CDC42BPA: variants seen among roughly 807,000 people sequenced by gnomAD.
CDC42BPA encodes CDC42 binding protein kinase alpha.
CDC42BPA carries 80 observed loss-of-function variants against 223.5 expected under a neutral mutation model. That is an observed-to-expected ratio of 0.36 (90% confidence interval 0.30 to 0.43). CDC42BPA has a LOEUF of 0.43. Among genes scored for constraint, CDC42BPA ranks in the 20% least tolerant of loss-of-function variants. CDC42BPA has a pLI of 1.00. For missense variants in CDC42BPA, 1,743 were observed against 2,099.9 expected (o/e 0.83, Z 3.32); for synonymous variants, 694 against 718.6 (o/e 0.97, Z 0.55).
intron 28 of CDC42BPA, 93 bp from the exon 29 acceptor site, chr1:227,030,563 G>A: frequency 1.4e-6 from 1 of 729,760 alleles, no homozygotes; most frequent in Non-Finnish European, 2.3e-6. Context: ...TGCAAAAAAT[G>A]GAAATAAAAT....
intron 1 of CDC42BPA, among the ~76,000 whole-genome samples, chr1:227,281,063 C>T (rs969784501): frequency 2.0e-5 from 3 of 152,192 alleles, no homozygotes; most frequent in Non-Finnish European, 4.4e-5. Flanking sequence ...ACCACATTCT[C>T]CCAAATTCCA....
rs1263070140 is a variant in CDC42BPA, at chr1:227,317,471, A to G, written c.-289T>C. 3 of 399,586 alleles carry G rather than the reference A, an allele frequency of 7.5e-6. No homozygotes were observed. The highest frequency in any genetic ancestry group is 1.3e-5 in the Non-Finnish European group (3 of 227,216). The allele number at this position is 399,586 out of a possible 1,614,324, so 24.8% of individuals were successfully genotyped here. ...TTAAGTCGTATATTTAAATAAAATA[A>G]TAATTAAAAGTACAACGAACTAGAG... is the stretch of plus-strand genomic sequence containing the variant. On this transcript the variant is annotated 5_prime_UTR_variant, in exon 1 of 37. Transcript: ENST00000366766.
intron 17 of CDC42BPA, among the ~76,000 whole-genome samples, chr1:227,076,245 A>G (rs145887287): frequency 1.3e-4 from 20 of 151,664 alleles, no homozygotes; most frequent in Non-Finnish European, 2.1e-4. Context: ...CAACCCCACC[A>G]CTATCTTTCT....
chr1:227,056,136 T>G (rs945105594), intron 21 of CDC42BPA, among the ~76,000 whole-genome samples: 1 of 152,134 alleles, frequency 6.6e-6, no homozygotes, highest in African/African-American at 2.4e-5. Context: ...GGTTTTCCTA[T>G]AAATAATAAA....
At chr1:227,271,321 T>A (rs1386628577) in intron 1 of CDC42BPA, among the ~76,000 whole-genome samples, 1 of 152,024 alleles carries the variant, frequency 6.6e-6, no homozygotes, top group Non-Finnish European at 1.5e-5. Flanking sequence ...GTAGAGAAAA[T>A]CTGTGAGTGA....
In CDC42BPA at chr1:226,998,620, C is replaced by CT. The variant is rs1401246608; in HGVS notation, c.4976-3641dup. ...CAGAAAACTGAAATTGGACCCCTTC[C>CT]TTACACCTTATGCAAAAATTAACTC... is the stretch of plus-strand genomic sequence containing the variant. On this transcript the variant is annotated intron_variant, in intron 35 of 36. Transcript: ENST00000366766. Among the ~76,000 whole-genome samples, 20 of 152,194 alleles carry CT rather than the reference C, an allele frequency of 1.3e-4. 1 individual carries two copies. Among genetic ancestry groups the CT allele is most frequent in the Admixed American group, 1.3e-3 (20 of 15,280 alleles).
At chr1:227,256,045 T>G (rs546801543) in intron 1 of CDC42BPA, among the ~76,000 whole-genome samples, 1 of 151,964 alleles carries the variant, frequency 6.6e-6, no homozygotes, top group East Asian at 1.9e-4. Flanking sequence ...TACCAGAATA[T>G]ACAAAGAACT....
Position 227,222,392 on chromosome 1 carries a change from G to A in CDC42BPA, c.271-9173C>T, listed in dbSNP as rs117117539. On this transcript the variant is annotated intron_variant, in intron 2 of 36. Transcript: ENST00000366766. ...CAGGCACCTGTAGTCCCAGCTACTCGTGTGGCTGAGGCATGAGGAAGGCTT... is the reference window on the plus strand; with the variant it reads ...CAGGCACCTGTAGTCCCAGCTACTCATGTGGCTGAGGCATGAGGAAGGCTT... 2.6e-3 allele frequency among the ~76,000 whole-genome samples: 401 copies of A among 151,608 alleles called. 9 individuals carry two copies. In the East Asian group the frequency reaches 0.048, roughly 18 times the overall value.
chr1:226,994,780 A>C lies in CDC42BPA; in HGVS notation c.5133+43T>G, dbSNP rs1231883251. The C allele has an allele frequency of 6.4e-7, 1 of 1,555,436 alleles. No homozygotes were observed. The highest frequency in any genetic ancestry group is 1.8e-5 in the Admixed American group (1 of 55,176). On this transcript the variant is annotated intron_variant, in intron 36 of 36. Transcript: ENST00000366766. The surrounding 1 kb of genome is among the most constrained non-coding windows in gnomAD (Gnocchi z 4.0). Reference sequence around the variant, plus strand: ...GTGGGATTGCCTGGGAAGATGCCCTAGTCTTTCTGATACATGACGTCTCCG... The same window carrying C: ...GTGGGATTGCCTGGGAAGATGCCCTCGTCTTTCTGATACATGACGTCTCCG...
intron 5 of CDC42BPA, among the ~76,000 whole-genome samples, chr1:227,185,691 C>T (rs929557744): frequency 5.9e-5 from 9 of 152,082 alleles, no homozygotes; most frequent in Non-Finnish European, 1.0e-4. Context: ...TTTCTTTCCT[C>T]CCCCTTCTCT....
In CDC42BPA at chr1:226,994,330, A is replaced by C; in HGVS notation, c.5203T>G (p.Ser1735Ala). The change falls in exon 37 of 37, where the codon TCA becomes GCA. Residue 1735 changes from serine to alanine, a missense_variant. Physicochemically the swap from Ser to Ala is moderately conservative, Grantham distance 99. Coordinates refer to ENST00000366766, the MANE Select transcript of CDC42BPA (RefSeq NM_001394014.1). The surrounding 1 kb of genome is among the most constrained non-coding windows in gnomAD (Gnocchi z 4.0). ...GAGAGGCTCTTGGTTTTTCGGGGTGAAGCTGGGCTTGGGGGGCTGCTTAGG... is the reference window on the plus strand; with the variant it reads ...GAGAGGCTCTTGGTTTTTCGGGGTGCAGCTGGGCTTGGGGGGCTGCTTAGG... Reference protein sequence around the residue: ...SNLSSPPSPASPRKTKSLSLE... With the variant: ...SNLSSPPSPAAPRKTKSLSLE... The C allele has an allele frequency of 1.2e-6, 2 of 1,600,024 alleles. No individual in the cohort carries two copies. Among genetic ancestry groups the C allele is most frequent in the Non-Finnish European group, 1.7e-6 (2 of 1,172,138 alleles).
At chr1:227,220,313 C>CAT (rs1188536931) in intron 2 of CDC42BPA, among the ~76,000 whole-genome samples, 7 of 53,314 alleles carry the variant, frequency 1.3e-4, no homozygotes, top group African/African-American at 3.4e-4. Flanking sequence ...TATATATATA[C>CAT]ACACACACAC....
At chr1:227,114,813 A>C (rs1221454619) in intron 12 of CDC42BPA, among the ~76,000 whole-genome samples, 1 of 152,148 alleles carries the variant, frequency 6.6e-6, no homozygotes, top group Non-Finnish European at 1.5e-5. Context: ...CCAAAATCCA[A>C]ATGCTGGTCC....
intron 6 of CDC42BPA, among the ~76,000 whole-genome samples, chr1:227,159,824 C>A (rs931930676): frequency 6.6e-6 from 1 of 152,064 alleles, no homozygotes; most frequent in Non-Finnish European, 1.5e-5. Flanking sequence ...CCATGCCCAG[C>A]CTTTTTTTTC....
In CDC42BPA at chr1:227,057,470, G is replaced by T. The variant is rs181091044; in HGVS notation, c.2905-5485C>A. ...TACAACAGAGGCCATTGTTAAGAATGGTAACTGCATGTGTCCTACTGAAAT... is the reference window on the plus strand; with the variant it reads ...TACAACAGAGGCCATTGTTAAGAATTGTAACTGCATGTGTCCTACTGAAAT... On this transcript the variant is annotated intron_variant, in intron 21 of 36. Coordinates refer to ENST00000366766, the MANE Select transcript of CDC42BPA (RefSeq NM_001394014.1). 3.4e-4 allele frequency among the ~76,000 whole-genome samples: 52 copies of T among 152,256 alleles called. 1 individual carries two copies. Among genetic ancestry groups the T allele is most frequent in the African/African-American group, 1.2e-3 (49 of 41,552 alleles).
intron 1 of CDC42BPA, among the ~76,000 whole-genome samples, chr1:227,291,107 T>C (rs78556366): frequency 0.093 from 14,115 of 152,108 alleles, 836 homozygotes; most frequent in Middle Eastern, 0.17. Flanking sequence ...GGAGACCTAA[T>C]TTTGGTCATT....
chr1:227,247,209 C>T (rs985736463), intron 2 of CDC42BPA, among the ~76,000 whole-genome samples: 1 of 149,824 alleles, frequency 6.7e-6, no homozygotes, highest in African/African-American at 2.5e-5. Flanking sequence ...CAAAAAAAAG[C>T]TATTTTGGCC....
At chr1:227,273,678 C>T (rs760106538) in intron 1 of CDC42BPA, among the ~76,000 whole-genome samples, 18 of 151,608 alleles carry the variant, frequency 1.2e-4, no homozygotes, top group Non-Finnish European at 2.4e-4. Context: ...ATATTTTAAC[C>T]TGCTAAAATA....
chr1:227,316,961 G>A, intron 1 of CDC42BPA, 44 bp downstream of exon 1: 1 of 1,411,212 alleles, frequency 7.1e-7, no homozygotes, highest in Non-Finnish European at 1.0e-6. Flanking sequence ...AAATCATAAT[G>A]ACCAGCTAAA....
Sources: allele counts gnomAD v4.1 joint callset (sites outside exome capture counted in the v4.1 genomes callset), GRCh38; gene constraint gnomAD v4.1.1; non-coding constraint Gnocchi (gnomAD v3.1); transcripts MANE v1.5; gene names NCBI Gene and HGNC (gene_info 2026-07-23, HGNC 2026-07-21).